Variants in OTOGL observed in about 807,000 individuals in gnomAD.
OTOGL encodes otogelin-like protein.
OTOGL carries 285 observed loss-of-function variants against 318.5 expected under a neutral mutation model. The observed-to-expected ratio is 0.89, with a 90% confidence interval of 0.81 to 0.99. The LOEUF (loss-of-function observed/expected upper bound fraction) is 0.99, where lower values mean the gene tolerates loss of function less well. OTOGL is among the 50% of genes least tolerant of loss of function. The probability of loss-of-function intolerance (pLI) is 0.00; values close to 1 mark genes in which losing one functional copy is unlikely to be tolerated. For missense variants in OTOGL, 2,899 were observed against 2,845.6 expected, an observed-to-expected ratio of 1.02 and a Z score of -0.43; for synonymous variants, 987 against 936.5, an observed-to-expected ratio of 1.05 and a Z score of -0.99.
intron 1 of OTOGL, among the ~76,000 whole-genome samples, chr12:80,167,252 G>A (rs1215937030): frequency 1.3e-5 from 2 of 152,134 alleles, no homozygotes; most frequent in African/African-American, 4.8e-5. Context: ...GTGCAAGTCC[G>A]TGGGAGTGGT....
At chr12:80,236,657 G>GT (rs1487851126) in intron 9 of OTOGL, among the ~76,000 whole-genome samples, 1 of 152,084 alleles carries the variant, frequency 6.6e-6, no homozygotes, top group Non-Finnish European at 1.5e-5. Context: ...AAGGACATCA[G>GT]TTTTTCCATT....
intron 11 of OTOGL, among the ~76,000 whole-genome samples, chr12:80,249,392 C>T (rs1038524793): frequency 3.3e-5 from 5 of 151,164 alleles, no homozygotes; most frequent in Admixed American, 1.3e-4. Context: ...CAGACAGGAC[C>T]CTCAGCTGAA....
chr12:80,289,174 T>C (rs1480481622), intron 26 of OTOGL, among the ~76,000 whole-genome samples: 1 of 152,168 alleles, frequency 6.6e-6, no homozygotes, highest in African/African-American at 2.4e-5. Context: ...TCTGTTGGCA[T>C]TTGCTGGAGG....
At chr12:80,222,331 A>G in intron 7 of OTOGL, 86 bp downstream of exon 7, 2 of 1,238,856 alleles carry the variant, frequency 1.6e-6, no homozygotes, top group Non-Finnish European at 2.2e-6. Context: ...ATGATGCAAA[A>G]TATATACTAA....
intron 26 of OTOGL, among the ~76,000 whole-genome samples, chr12:80,283,673 C>T: frequency 6.6e-6 from 1 of 151,948 alleles, no homozygotes; most frequent in East Asian, 1.9e-4. Context: ...ATAGAGACCA[C>T]AAGCTTAAAC....
intron 4 of OTOGL, 92 bp downstream of exon 4, chr12:80,212,089 G>A (rs1333842517): frequency 1.6e-5 from 21 of 1,274,544 alleles, no homozygotes; most frequent in Non-Finnish European, 2.1e-5. Context: ...CCTTTGTGGA[G>A]GGGAATAAAA....
chr12:80,126,109 C>G (rs1381273942), intron 1 of OTOGL, among the ~76,000 whole-genome samples: 1 of 152,100 alleles, frequency 6.6e-6, no homozygotes, highest in East Asian at 1.9e-4. Context: ...TCTTGCTTCT[C>G]TAGTTCTTTT....
At chr12:80,183,481 T>G (rs1209269031) in intron 1 of OTOGL, among the ~76,000 whole-genome samples, 2 of 152,206 alleles carry the variant, frequency 1.3e-5, no homozygotes, top group Non-Finnish European at 2.9e-5. Flanking sequence ...AGGATGTTTT[T>G]GGGAGGAGTA....
At chr12:80,254,359 A>C (rs1412144146) in intron 14 of OTOGL, among the ~76,000 whole-genome samples, 165 bp from the exon 15 acceptor site, 1 of 84,516 alleles carries the variant, frequency 1.2e-5, no homozygotes, top group Non-Finnish European at 2.8e-5. Context: ...ATTATTATTT[A>C]TTGATTTTAT....
At chr12:80,199,276 A>G (rs542329719) in intron 1 of OTOGL, among the ~76,000 whole-genome samples, 3 of 152,182 alleles carry the variant, frequency 2.0e-5, no homozygotes, top group South Asian at 4.2e-4. Flanking sequence ...GACATAAGCT[A>G]TTTTCTCTGC....
chr12:80,322,754 A>T (rs1236373049), intron 34 of OTOGL, among the ~76,000 whole-genome samples: 3 of 152,186 alleles, frequency 2.0e-5, no homozygotes, highest in Non-Finnish European at 4.4e-5. Flanking sequence ...TTAGAACTGT[A>T]TGCATGTATT....
chr12:80,328,346 CA>C (rs1255888147), intron 35 of OTOGL, among the ~76,000 whole-genome samples: 45 of 151,856 alleles, frequency 3.0e-4, no homozygotes, highest in African/African-American at 9.9e-4. Context: ...ACAACAACAA[CA>C]ACAACACCTT....
chr12:80,104,665 C>G (rs929445201), intron 1 of OTOGL, among the ~76,000 whole-genome samples: 11 of 150,126 alleles, frequency 7.3e-5, no homozygotes, highest in African/African-American at 2.3e-4. Flanking sequence ...CCTAGTTGGG[C>G]ACAGTTTAAG....
intron 9 of OTOGL, among the ~76,000 whole-genome samples, chr12:80,233,671 G>A (rs889149833): frequency 1.3e-5 from 2 of 152,132 alleles, no homozygotes; most frequent in Non-Finnish European, 2.9e-5. Flanking sequence ...ATAAGAAATA[G>A]GTTTTGTATC....
chr12:80,193,692 G>T (rs989194828), intron 1 of OTOGL, among the ~76,000 whole-genome samples: 1 of 152,100 alleles, frequency 6.6e-6, no homozygotes, highest in East Asian at 1.9e-4. Flanking sequence ...GGAGGCTTGC[G>T]GTACATGTGC....
intron 1 of OTOGL, among the ~76,000 whole-genome samples, chr12:80,143,729 T>C (rs1171973083): frequency 6.6e-6 from 1 of 152,150 alleles, no homozygotes; most frequent in Non-Finnish European, 1.5e-5. Context: ...AGTGTGTTAG[T>C]TTCTCATGAT....
rs532289365 is a variant in OTOGL, at chr12:80,370,023, G to A, written c.6616-547G>A. Among the ~76,000 whole-genome samples the A allele has an allele frequency of 4.7e-3, 721 of 151,838 alleles. 10 individuals are homozygous for A. The highest frequency in any genetic ancestry group is 0.017 in the African/African-American group (685 of 41,442). On this transcript the variant is annotated intron_variant, in intron 55 of 58. Coordinates refer to ENST00000547103, the MANE Select transcript of OTOGL (RefSeq NM_001378609.3). ...ATTTAAATATTTCTTGAAAGAATAG[G>A]GATAAATTTTAAAATAATGTAGGGT...
At chr12:80,342,458 A>G (rs1157207939) in intron 44 of OTOGL, among the ~76,000 whole-genome samples, 1 of 152,212 alleles carries the variant, frequency 6.6e-6, no homozygotes, top group East Asian at 1.9e-4. Flanking sequence ...ATGACATTTG[A>G]TAACCCAGTA....
Position 80,339,238 on chromosome 12 carries a change from T to C in OTOGL, c.5024T>C (p.Leu1675Ser). The change falls in exon 43 of 59, where the codon TTG becomes TCG. Residue 1675 changes from leucine (L) to serine (S), a missense_variant. Physicochemically the swap from Leu to Ser is moderately radical, Grantham distance 145. Coordinates refer to ENST00000547103, the MANE Select transcript of OTOGL (RefSeq NM_001378609.3). ...IDIHFGFRFN[L>S]SSYTEGLCGI... is the part of the protein sequence containing the mutation. ...ATTCATTTTGGCTTCCGATTTAACT[T>C]GTCATCCTACACAGAAGGACTCTGT... 1 of 1,610,328 alleles carries C rather than the reference T, an allele frequency of 6.2e-7. No homozygotes were observed. The highest frequency in any genetic ancestry group is 8.5e-7 in the Non-Finnish European group (1 of 1,177,550).
Sources: gnomAD v4.1 joint callset for allele counts (sites outside exome capture counted in the v4.1 genomes callset) on GRCh38, gnomAD v4.1.1 for gene constraint, MANE v1.5 for transcripts, NCBI Gene and HGNC (gene_info 2026-07-23, HGNC 2026-07-21) for gene names.